NCF2: variants seen among roughly 807,000 people sequenced by gnomAD.
NCF2 encodes the protein neutrophil cytosolic factor 2.
In NCF2, 45 loss-of-function variants were observed where a neutral mutation model predicts 70.9. The ratio of observed to expected loss-of-function variants is 0.63; its 90% CI spans 0.50 to 0.81. The LOEUF (loss-of-function observed/expected upper bound fraction) is 0.81, where lower values mean the gene tolerates loss of function less well. Among genes scored for constraint, NCF2 ranks in the 40% least tolerant of loss-of-function variants. The probability of loss-of-function intolerance (pLI) is 0.00; values close to 1 mark genes in which losing one functional copy is unlikely to be tolerated. For missense variants in NCF2, 522 were observed against 631.6 expected, an observed-to-expected ratio of 0.83 and a Z score of 1.86; for synonymous variants, 203 against 233.6, an observed-to-expected ratio of 0.87 and a Z score of 1.19.
upstream of NCF2, among the ~76,000 whole-genome samples, chr1:183,594,450 T>A (rs915305320): frequency 2.6e-5 from 4 of 152,218 alleles, no homozygotes; most frequent in African/African-American, 9.6e-5. Flanking sequence ...CTGAAACTGA[T>A]CTACCTTGGA....
Position 183,565,015 on chromosome 1 carries a change from T to C in NCF2, c.1000+689A>G, listed in dbSNP as rs187112583. Among the ~76,000 whole-genome samples, 69 of 152,328 alleles carry C rather than the reference T, an allele frequency of 4.5e-4. 1 individual carries two copies. Among genetic ancestry groups the C allele is most frequent in the Admixed American group, 1.9e-3 (29 of 15,304 alleles). On this transcript the variant is annotated intron_variant, in intron 10 of 14. Transcript: ENST00000367535. ...TGAGTTTAAGTGAAAGATATTCTGA[T>C]GTTTATTGTATTCTACTGTCAGCTT...
the NCF2 span, among the ~76,000 whole-genome samples, chr1:183,601,379 G>T: frequency 6.6e-6 from 1 of 152,118 alleles, no homozygotes; most frequent in Non-Finnish European, 1.5e-5. Context: ...CATATTGTGA[G>T]GAATGTTCTT....
At chr1:183,566,223 G>A (rs904315760) in intron 9 of NCF2, among the ~76,000 whole-genome samples, 9 of 152,200 alleles carry the variant, frequency 5.9e-5, no homozygotes, top group Non-Finnish European at 1.3e-4. Context: ...TGGTTGCACA[G>A]TCTAGAGACA....
intron 7 of NCF2, among the ~76,000 whole-genome samples, 198 bp downstream of exon 7, chr1:183,568,944 C>A (rs987856164): frequency 1.3e-5 from 2 of 152,134 alleles, no homozygotes; most frequent in Non-Finnish European, 2.9e-5. Context: ...TCATATCATT[C>A]CTTTCTAGCC....
At chr1:183,568,427 A>G (rs1672405318) in intron 7 of NCF2, among the ~76,000 whole-genome samples, 1 of 151,896 alleles carries the variant, frequency 6.6e-6, no homozygotes, top group African/African-American at 2.4e-5. Flanking sequence ...TCAGTCTCCC[A>G]AAGTGCTGTG....
At chr1:183,567,160 C>T (rs374822007) in intron 8 of NCF2, 44 bp downstream of exon 8, 26 of 1,613,814 alleles carry the variant, frequency 1.6e-5, no homozygotes, top group Non-Finnish European at 2.1e-5. Flanking sequence ...CATTTGCTGC[C>T]AGGATCCCAT....
At chr1:183,582,395 C>T (rs1344831329) in intron 2 of NCF2, among the ~76,000 whole-genome samples, 1 of 152,236 alleles carries the variant, frequency 6.6e-6, no homozygotes, top group Non-Finnish European at 1.5e-5. Context: ...AAGCCCCTCC[C>T]CTCCCAGGCA....
intron 2 of NCF2, among the ~76,000 whole-genome samples, chr1:183,581,964 G>A (rs1401584348): frequency 6.6e-6 from 1 of 152,146 alleles, no homozygotes; most frequent in East Asian, 1.9e-4. Flanking sequence ...ACCTCGCCTC[G>A]CCAACTAAGT....
chr1:183,585,398 G>A (rs789186), intron 2 of NCF2, among the ~76,000 whole-genome samples: 16,167 of 151,980 alleles, frequency 0.11, 2,080 homozygotes, highest in African/African-American at 0.31. Context: ...GGCCGAGGCG[G>A]GTGGATCACA....
intron 2 of NCF2, among the ~76,000 whole-genome samples, chr1:183,581,018 G>GGA (rs892507885): frequency 1.5e-4 from 23 of 150,238 alleles, no homozygotes; most frequent in African/African-American, 5.6e-4. Context: ...GGGCCTGGTA[G>GGA]GAGAGAGAGA....
At chr1:183,565,571 C>T (rs543959946) in intron 10 of NCF2, 133 bp downstream of exon 10, 109 of 846,176 alleles carry the variant, frequency 1.3e-4, no homozygotes, top group East Asian at 3.0e-4. Context: ...TCTGGGGCTG[C>T]GTGGTCATTA....
the NCF2 span, among the ~76,000 whole-genome samples, chr1:183,601,029 AAG>A: frequency 6.6e-6 from 1 of 152,196 alleles, no homozygotes; most frequent in African/African-American, 2.4e-5. Context: ...TTTTTGGAAA[AAG>A]AATATATTCA....
chr1:183,565,111 C>T (rs1351036878), intron 10 of NCF2, among the ~76,000 whole-genome samples: 3 of 152,162 alleles, frequency 2.0e-5, no homozygotes, highest in Admixed American at 6.5e-5. Flanking sequence ...GATGATCAGG[C>T]GCGTGTGGCA....
At chr1:183,600,177 A>T in the NCF2 span, among the ~76,000 whole-genome samples, 2 of 152,364 alleles carry the variant, frequency 1.3e-5, no homozygotes, top group African/African-American at 4.8e-5. Flanking sequence ...TCGGCTCCTA[A>T]GTTTAAAAAC....
upstream of NCF2, among the ~76,000 whole-genome samples, chr1:183,593,043 A>G (rs927091488): frequency 2.0e-5 from 3 of 152,022 alleles, no homozygotes; most frequent in Non-Finnish European, 2.9e-5. Context: ...GCTCAAACCC[A>G]TGATCTCGCC....
Position 183,565,684 on chromosome 1 carries a change from G to T in NCF2, c.1000+20C>A. ...ATGCTGCTGCACCCAGACCTAGGCT[G>T]TGGCTCCAGGACCACTCACCTGGTG... On this transcript the variant is annotated intron_variant, in intron 10 of 14. Transcript: ENST00000367535. 1.2e-6 allele frequency: 2 copies of T among 1,610,668 alleles called. No individual in the cohort carries two copies. The highest frequency in any genetic ancestry group is 1.7e-6 in the Non-Finnish European group (2 of 1,178,514).
At chr1:183,574,337 A>T (rs1032870595) in intron 4 of NCF2, 150 bp downstream of exon 4, 4 of 1,224,156 alleles carry the variant, frequency 3.3e-6, no homozygotes, top group African/African-American at 3.0e-5. Flanking sequence ...CAGATTCAAG[A>T]TCTTAAGTGG....
the NCF2 span, among the ~76,000 whole-genome samples, chr1:183,600,877 G>A: frequency 3.3e-5 from 5 of 152,136 alleles, no homozygotes; most frequent in Non-Finnish European, 5.9e-5. Context: ...ACACACCAGG[G>A]CCATCATCCC....
chr1:183,581,679 T>A (rs1673086588), intron 2 of NCF2, among the ~76,000 whole-genome samples: 1 of 151,542 alleles, frequency 6.6e-6, no homozygotes, highest in African/African-American at 2.4e-5. Context: ...TAAGTGTTTT[T>A]TTTTTTTGAG....
Sources: allele counts gnomAD v4.1 joint callset (sites outside exome capture counted in the v4.1 genomes callset), GRCh38; gene constraint gnomAD v4.1.1; transcripts MANE v1.5; gene names NCBI Gene and HGNC (gene_info 2026-07-23, HGNC 2026-07-21).